The following SFMBT1 variants were observed in gnomAD, a reference collection of about 807,000 sequenced individuals.
The protein encoded by SFMBT1 is scm-like with four MBT domains protein 1.
Under a neutral mutation model 108.7 loss-of-function variants are expected in SFMBT1, and 32 were observed. That is an observed-to-expected ratio of 0.29 (90% CI 0.22 to 0.40). The LOEUF (loss-of-function observed/expected upper bound fraction) is 0.40. SFMBT1 is among the 10% of genes least tolerant of loss of function. SFMBT1 has a pLI of 1.00. For synonymous variants in SFMBT1, 348 were observed against 369.5 expected, an observed-to-expected ratio of 0.94 and a Z score of 0.67; for missense variants, 816 against 1,059.6, an observed-to-expected ratio of 0.77 and a Z score of 3.19.
chr3:52,909,308 A>G (rs1030797990), intron 17 of SFMBT1, among the ~76,000 whole-genome samples: 3 of 152,260 alleles, frequency 2.0e-5, no homozygotes, highest in Admixed American at 6.5e-5. Context: ...TTACATGAAT[A>G]GTATTTTTCA....
intron 4 of SFMBT1, among the ~76,000 whole-genome samples, chr3:52,940,698 T>G (rs545362364): frequency 6.6e-6 from 1 of 152,322 alleles, no homozygotes; most frequent in South Asian, 2.1e-4. Flanking sequence ...ATACTAAGAA[T>G]AGTGGGTTAA....
rs187517892 is a variant in SFMBT1, at chr3:53,017,212, T to C, written c.-131+28604A>G. Among the ~76,000 whole-genome samples the C allele has an allele frequency of 2.2e-3, 337 of 152,330 alleles. 1 individual carries two copies. Among genetic ancestry groups the C allele is most frequent in the African/African-American group, 7.1e-3 (296 of 41,572 alleles). ...TGTTAGAAGATAAAGATGGGATCCA[T>C]GCCTGTCTAATCTAGTGCCCATAAT... is the stretch of plus-strand genomic sequence containing the variant. On this transcript the variant is annotated intron_variant, in intron 1 of 20. Transcript: ENST00000394752.
chr3:52,928,224 G>A lies in SFMBT1; in HGVS notation c.1015C>T (p.Leu339=). Residue 339 remains leucine (L), a synonymous_variant, in exon 9 of 21, where the codon CTG becomes TTG. Coordinates refer to ENST00000394752, the MANE Select transcript of SFMBT1 (RefSeq NM_016329.4). The part of the protein sequence containing the change: ...SPGIFPVQWS[L]KNGLHISPPP... Reference sequence around the variant, plus strand: ...GGGCTGATGTGTAGGCCATTCTTCAGACTCCACTGCACAGGGAAGATGCCA... The same window carrying A: ...GGGCTGATGTGTAGGCCATTCTTCAAACTCCACTGCACAGGGAAGATGCCA... 1 of 1,613,532 alleles carries A rather than the reference G, an allele frequency of 6.2e-7. No homozygotes were observed. The highest frequency in any genetic ancestry group is 8.5e-7 in the Non-Finnish European group (1 of 1,179,824).
chr3:52,913,295 GA>G (rs3832249), intron 15 of SFMBT1, among the ~76,000 whole-genome samples, 182 bp downstream of exon 15: 81,800 of 151,956 alleles, frequency 0.54, 23,049 homozygotes, highest in Middle Eastern at 0.63. Flanking sequence ...TTGTTTACGT[GA>G]ATGTTTCCTA....
At chr3:52,908,424 T>C (rs1414918612) in intron 17 of SFMBT1, among the ~76,000 whole-genome samples, 1 of 152,162 alleles carries the variant, frequency 6.6e-6, no homozygotes, top group Non-Finnish European at 1.5e-5. Context: ...GTGTGTTTTA[T>C]TATATGTTTC....
At chr3:53,038,328 G>C (rs1699929869) in intron 1 of SFMBT1, among the ~76,000 whole-genome samples, 1 of 152,146 alleles carries the variant, frequency 6.6e-6, no homozygotes, top group African/African-American at 2.4e-5. Context: ...TCTCAGAAAA[G>C]CCTTACTAAC....
chr3:52,903,654 G>A lies in SFMBT1; in HGVS notation c.*1482C>T, dbSNP rs778350494. 2 of 152,220 alleles carry A rather than the reference G, an allele frequency of 1.3e-5. No individual in the cohort carries two copies. The highest frequency in any genetic ancestry group is 2.9e-5 in the Non-Finnish European group (2 of 68,044). 9.4% of individuals were successfully genotyped at this position (152,220 alleles called of 1,614,324 possible). Reference sequence around the variant, plus strand: ...GATTAAAACATTTTCAAATCTTGAGGAAGAATGATTGGGTTATAAATTTGC... The same window carrying A: ...GATTAAAACATTTTCAAATCTTGAGAAAGAATGATTGGGTTATAAATTTGC... On this transcript the variant is annotated 3_prime_UTR_variant, in exon 21 of 21. Transcript: ENST00000394752.
chr3:52,937,989 T>C (rs1703068047), intron 4 of SFMBT1, among the ~76,000 whole-genome samples: 1 of 152,194 alleles, frequency 6.6e-6, no homozygotes, highest in South Asian at 2.1e-4. Context: ...TTTCTTTTTT[T>C]CATACAATAA....
intron 1 of SFMBT1, among the ~76,000 whole-genome samples, chr3:52,975,971 G>A (rs936454151): frequency 1.3e-5 from 2 of 151,910 alleles, no homozygotes; most frequent in African/African-American, 4.8e-5. Context: ...AGATCATGCC[G>A]CCGCACTCCA....
intron 2 of SFMBT1, among the ~76,000 whole-genome samples, chr3:52,965,963 G>T (rs1392801412): frequency 3.6e-5 from 4 of 109,930 alleles, no homozygotes; most frequent in Admixed American, 2.5e-4. Flanking sequence ...CCGAGATCCC[G>T]CCACTGCACT....
intron 1 of SFMBT1, among the ~76,000 whole-genome samples, chr3:53,008,767 T>C (rs1698838931): frequency 6.6e-6 from 1 of 150,974 alleles, no homozygotes; most frequent in Non-Finnish European, 1.5e-5. Context: ...CCCGAGTAGC[T>C]GGGACTACAA....
intron 1 of SFMBT1, chr3:53,044,904 CG>C (rs1340605981): frequency 6.6e-6 from 1 of 152,356 alleles, no homozygotes; most frequent in Non-Finnish European, 1.5e-5. Context: ...TTAGACCCTA[CG>C]GGAACAGCTG....
chr3:52,911,569 C>T (rs1702214403), intron 16 of SFMBT1, among the ~76,000 whole-genome samples: 1 of 152,256 alleles, frequency 6.6e-6, no homozygotes, highest in Non-Finnish European at 1.5e-5. Context: ...GCCTGCCATC[C>T]ATCCATGACA....
At chr3:52,987,707 TATTCATTC>T (rs1251905132) in intron 1 of SFMBT1, among the ~76,000 whole-genome samples, 1 of 152,206 alleles carries the variant, frequency 6.6e-6, no homozygotes, top group Non-Finnish European at 1.5e-5. Flanking sequence ...CAAGTTGTTT[TATTCATTC>T]ATTCATTTAA....
At chr3:52,968,176 C>T (rs1220400647) in intron 2 of SFMBT1, among the ~76,000 whole-genome samples, 1 of 152,182 alleles carries the variant, frequency 6.6e-6, no homozygotes, top group Non-Finnish European at 1.5e-5. Flanking sequence ...TAAAGCCCAT[C>T]TCAAAAAGCC....
chr3:52,999,780 T>C (rs12635298), intron 1 of SFMBT1, among the ~76,000 whole-genome samples: 45,483 of 149,396 alleles, frequency 0.3, 9,580 homozygotes, highest in East Asian at 0.51. Flanking sequence ...GAGTGCCCAT[T>C]CCTCTCCCTG....
At chr3:53,043,221 T>C (rs1700111835) in intron 1 of SFMBT1, 1 of 152,178 alleles carries the variant, frequency 6.6e-6, no homozygotes, top group Admixed American at 6.5e-5. Context: ...TTGCAGCATT[T>C]GCTTCAGTGG....
At position 52,905,250 on chromosome 3, in the gene SFMBT1, G is replaced by A; in HGVS notation, c.2487C>T (p.Leu829=). 1.9e-6 allele frequency: 3 copies of A among 1,613,312 alleles called. No homozygotes were observed. Among genetic ancestry groups the A allele is most frequent in the Non-Finnish European group, 2.5e-6 (3 of 1,179,716 alleles). Residue 829 remains leucine, a synonymous_variant, in exon 21 of 21, where the codon CTC becomes CTT. Transcript: ENST00000394752. ...DQEIDGQALL[L]LTLPTVQECM... ...ATTCTTGAACAGTGGGAAGGGTAAG[G>A]AGCAACAGGGCCTGCCCATCAATTT...
chr3:52,970,604 C>T (rs6768844), intron 1 of SFMBT1, among the ~76,000 whole-genome samples: 39,216 of 151,730 alleles, frequency 0.26, 5,128 homozygotes, highest in East Asian at 0.33. Context: ...ACTGCAAGAG[C>T]GACAATACAG....
Sources: gnomAD v4.1 joint callset for allele counts (sites outside exome capture counted in the v4.1 genomes callset) on GRCh38, gnomAD v4.1.1 for gene constraint, MANE v1.5 for transcripts, NCBI Gene and HGNC (gene_info 2026-07-23, HGNC 2026-07-21) for gene names.